Variants in GLYATL2 observed in about 807,000 individuals in gnomAD.
GLYATL2 encodes the protein glycine N-acyltransferase-like protein 2.
GLYATL2 carries 25 observed loss-of-function variants against 21.4 expected under a neutral mutation model. The observed-to-expected ratio is 1.17, with a 90% CI of 0.85 to 1.63. The LOEUF (loss-of-function observed/expected upper bound fraction) is 1.63, where lower values mean the gene tolerates loss of function less well. GLYATL2 is among the 40% of genes most tolerant of loss of function. The probability of loss-of-function intolerance (pLI) is 0.00; values close to 1 mark genes in which losing one functional copy is unlikely to be tolerated. For missense variants in GLYATL2, 361 were observed against 343.3 expected, an observed-to-expected ratio of 1.05 and a Z score of -0.41; for synonymous variants, 114 against 118.2, an observed-to-expected ratio of 0.96 and a Z score of 0.23.
upstream of GLYATL2, among the ~76,000 whole-genome samples, chr11:58,904,941 T>C (rs1854826030): frequency 6.6e-6 from 1 of 152,192 alleles, no homozygotes; most frequent in African/African-American, 2.4e-5. Context: ...ACTGAAGGCA[T>C]CTCCTTCTAT....
intron 1 of GLYATL2, among the ~76,000 whole-genome samples, chr11:58,880,614 C>G (rs376258358): frequency 4.0e-5 from 6 of 151,766 alleles, no homozygotes; most frequent in Non-Finnish European, 8.8e-5. Flanking sequence ...TGAGAAACAG[C>G]AAAGAAAGCT....
Sources: allele counts gnomAD v4.1 joint callset (sites outside exome capture counted in the v4.1 genomes callset), GRCh38; gene constraint gnomAD v4.1.1; transcripts MANE v1.5; gene names NCBI Gene and HGNC (gene_info 2026-07-23, HGNC 2026-07-21).